ZNF804A: variants seen among roughly 807,000 people sequenced by gnomAD.
ZNF804A encodes the protein zinc finger protein 804A.
A neutral mutation model predicts 16.5 loss-of-function variants in ZNF804A; 2 were observed. The observed-to-expected ratio is 0.12, with a 90% CI of 0.05 to 0.38. The LOEUF is 0.38. Ranked by LOEUF, ZNF804A falls within the 10% of genes least tolerant of loss-of-function variation. The pLI is 0.99. For synonymous variants in ZNF804A, 534 were observed against 489.6 expected (o/e 1.09, Z -1.20); for missense variants, 1,473 against 1,390.7 (o/e 1.06, Z -0.94).
chr2:184,706,707 G>A (rs1387391555), intron 1 of ZNF804A, among the ~76,000 whole-genome samples: 1 of 152,098 alleles, frequency 6.6e-6, no homozygotes, highest in Non-Finnish European at 1.5e-5. Context: ...CTACATATTA[G>A]ACCATACAGC....
At chr2:184,667,785 T>A (rs1292959325) in intron 1 of ZNF804A, among the ~76,000 whole-genome samples, 1 of 151,882 alleles carries the variant, frequency 6.6e-6, no homozygotes, top group Admixed American at 6.6e-5. Context: ...TATAAGAGAA[T>A]TCTTGTGAGA....
intron 1 of ZNF804A, among the ~76,000 whole-genome samples, chr2:184,644,671 A>G (rs896750132): frequency 2.0e-5 from 3 of 152,006 alleles, no homozygotes; most frequent in African/African-American, 7.2e-5. Flanking sequence ...AAATGAAGAT[A>G]AGACACTCTT....
chr2:184,734,099 G>A (rs1693569612), intron 1 of ZNF804A, among the ~76,000 whole-genome samples: 1 of 151,654 alleles, frequency 6.6e-6, no homozygotes, highest in African/African-American at 2.4e-5. Flanking sequence ...TTTTGAGATA[G>A]GATCTTGCCG....
At chr2:184,697,007 A>G (rs1692843178) in intron 1 of ZNF804A, among the ~76,000 whole-genome samples, 1 of 152,026 alleles carries the variant, frequency 6.6e-6, no homozygotes, top group South Asian at 2.1e-4. Context: ...CACTATTAAA[A>G]AATAGTGACT....
intron 1 of ZNF804A, among the ~76,000 whole-genome samples, chr2:184,626,496 A>G (rs1357942986): frequency 2.0e-5 from 3 of 152,312 alleles, no homozygotes; most frequent in Admixed American, 6.5e-5. Flanking sequence ...TTTCTTAGCC[A>G]TATAGATATG....
intron 1 of ZNF804A, among the ~76,000 whole-genome samples, chr2:184,757,471 A>G (rs751268893): frequency 2.9e-4 from 44 of 151,800 alleles, no homozygotes; most frequent in Admixed American, 1.3e-4. Context: ...CTCTTAAATC[A>G]ATATTTTATT....
chr2:184,929,521 A>G (rs2105840616), intron 2 of ZNF804A, among the ~76,000 whole-genome samples: 1 of 152,220 alleles, frequency 6.6e-6, no homozygotes, highest in Admixed American at 6.5e-5. Context: ...GTATGTAATA[A>G]CAATTAACTT....
At chr2:184,764,196 C>T (rs934426005) in intron 1 of ZNF804A, among the ~76,000 whole-genome samples, 1 of 150,596 alleles carries the variant, frequency 6.6e-6, no homozygotes, top group Non-Finnish European at 1.5e-5. Flanking sequence ...AAAATTATGA[C>T]TTTTATTCAT....
At chr2:184,820,949 C>G (rs1473710681) in intron 1 of ZNF804A, among the ~76,000 whole-genome samples, 1 of 152,094 alleles carries the variant, frequency 6.6e-6, no homozygotes, top group East Asian at 1.9e-4. Context: ...ATTCGATGCT[C>G]ATGGATAGGA....
rs150620889 is a variant in ZNF804A, at chr2:184,768,024, A to G, written c.112-98345A>G. On this transcript the variant is annotated intron_variant, in intron 1 of 3. Transcript: ENST00000302277. ...CCAAATATATAACTAGGACAAAGTA[A>G]TTAACATTACAGTTGGTGCTCCGTA... 9.2e-5 allele frequency among the ~76,000 whole-genome samples: 14 copies of G among 152,270 alleles called. No individual in the cohort carries two copies. The East Asian group carries it at 2.7e-3, about 29-fold the overall frequency.
At chr2:184,867,630 A>G (rs1040757179) in intron 2 of ZNF804A, among the ~76,000 whole-genome samples, 1 of 152,008 alleles carries the variant, frequency 6.6e-6, no homozygotes, top group Non-Finnish European at 1.5e-5. Context: ...CTGGTAGTAG[A>G]TCTGTTGGCC....
At chr2:184,924,474 T>C (rs1415849863) in intron 2 of ZNF804A, among the ~76,000 whole-genome samples, 1 of 151,782 alleles carries the variant, frequency 6.6e-6, no homozygotes, top group Non-Finnish European at 1.5e-5. Flanking sequence ...CTGGCCAAAA[T>C]TGTCAATTTT....
At chr2:184,637,298 AT>A (rs894792645) in intron 1 of ZNF804A, among the ~76,000 whole-genome samples, 27 of 151,806 alleles carry the variant, frequency 1.8e-4, no homozygotes, top group African/African-American at 5.3e-4. Context: ...AACTTGGCAC[AT>A]TTTTTTTAGG....
intron 2 of ZNF804A, among the ~76,000 whole-genome samples, chr2:184,910,457 G>A (rs771823130): frequency 4.8e-4 from 73 of 151,880 alleles, no homozygotes; most frequent in African/African-American, 1.5e-3. Context: ...TGTCTTTATC[G>A]TAGAGGGATT....
At chr2:184,853,177 T>G (rs924079860) in intron 1 of ZNF804A, among the ~76,000 whole-genome samples, 10 of 151,900 alleles carry the variant, frequency 6.6e-5, no homozygotes, top group African/African-American at 2.4e-4. Context: ...ATGCCCATTA[T>G]TTTTGTACTT....
At chr2:184,798,206 C>T (rs1429279228) in intron 1 of ZNF804A, among the ~76,000 whole-genome samples, 1 of 151,934 alleles carries the variant, frequency 6.6e-6, no homozygotes, top group Non-Finnish European at 1.5e-5. Flanking sequence ...AACCTGATAA[C>T]AATGTGCCTA....
intron 1 of ZNF804A, among the ~76,000 whole-genome samples, chr2:184,684,278 G>T (rs1403440981): frequency 6.6e-6 from 1 of 152,142 alleles, no homozygotes; most frequent in Non-Finnish European, 1.5e-5. Flanking sequence ...TTGATATTTT[G>T]TTTGCTAACA....
chr2:184,893,082 T>C (rs1034580207), intron 2 of ZNF804A, among the ~76,000 whole-genome samples: 1 of 152,164 alleles, frequency 6.6e-6, no homozygotes, highest in Admixed American at 6.5e-5. Flanking sequence ...GCTGTGATAG[T>C]CACTTGAAGA....
intron 1 of ZNF804A, among the ~76,000 whole-genome samples, chr2:184,851,074 C>T (rs965478198): frequency 6.6e-6 from 1 of 151,612 alleles, no homozygotes; most frequent in Non-Finnish European, 1.5e-5. Context: ...TAATTGGCAG[C>T]TTTTATGTAT....
Sources: gnomAD v4.1 joint callset for allele counts (sites outside exome capture counted in the v4.1 genomes callset) on GRCh38, gnomAD v4.1.1 for gene constraint, MANE v1.5 for transcripts, NCBI Gene and HGNC (gene_info 2026-07-23, HGNC 2026-07-21) for gene names.